PTPRN2: variants seen among roughly 807,000 people sequenced by gnomAD.
PTPRN2 encodes the protein receptor-type tyrosine-protein phosphatase N2.
In PTPRN2, 74 loss-of-function variants were observed where a neutral mutation model predicts 118.8. The observed-to-expected ratio is 0.62, with a 90% CI of 0.52 to 0.76. PTPRN2 has a LOEUF of 0.76. PTPRN2 is among the 30% of genes least tolerant of loss of function. PTPRN2 has a pLI of 0.00. For synonymous variants in PTPRN2, 641 were observed against 608.0 expected (o/e 1.05, Z -0.80); for missense variants, 1,481 against 1,394.4 (o/e 1.06, Z -0.99).
At chr7:157,735,322 A>G (rs780835764) in intron 12 of PTPRN2, among the ~76,000 whole-genome samples, 30 of 152,330 alleles carry the variant, frequency 2.0e-4, no homozygotes, top group Admixed American at 3.3e-4. Context: ...AGTCCCACTG[A>G]CTATGCCTGT....
intron 3 of PTPRN2, among the ~76,000 whole-genome samples, chr7:158,222,711 A>G (rs981141006): frequency 6.6e-6 from 1 of 152,236 alleles, no homozygotes; most frequent in Non-Finnish European, 1.5e-5. Context: ...AACCGAAAAC[A>G]AAAGTCAAAA....
In PTPRN2 at chr7:157,893,104, C is replaced by T. The variant is rs536130851; in HGVS notation, c.1788+5569G>A. Among the ~76,000 whole-genome samples the T allele has an allele frequency of 6.6e-6, 1 of 152,292 alleles. No homozygotes were observed. On this transcript the variant is annotated intron_variant, in intron 12 of 22. Coordinates refer to ENST00000389418, the MANE Select transcript of PTPRN2 (RefSeq NM_002847.5). The surrounding 1 kb of genome is among the most constrained non-coding windows in gnomAD (Gnocchi z 4.0). ...AGCTGGTCTCCAGCATTTGGTGGAACGAGAACAAAGAAATGTCTGGAGAAG... is the reference window on the plus strand; with the variant it reads ...AGCTGGTCTCCAGCATTTGGTGGAATGAGAACAAAGAAATGTCTGGAGAAG...
chr7:158,208,367 A>G (rs1483236128), intron 3 of PTPRN2, among the ~76,000 whole-genome samples: 1 of 152,224 alleles, frequency 6.6e-6, no homozygotes, highest in Non-Finnish European at 1.5e-5. Context: ...AAACTCCCAA[A>G]GGTCAGGAAT....
At chr7:158,518,146 T>C (rs369847752) in intron 1 of PTPRN2, among the ~76,000 whole-genome samples, 7 of 152,196 alleles carry the variant, frequency 4.6e-5, no homozygotes, top group African/African-American at 1.2e-4. Context: ...ATGGTGTCTA[T>C]AAAATAGTTA....
At chr7:157,635,202 T>C (rs909836033) in intron 14 of PTPRN2, among the ~76,000 whole-genome samples, 2 of 152,284 alleles carry the variant, frequency 1.3e-5, no homozygotes, top group African/African-American at 4.8e-5. Context: ...TTGCTCTTCA[T>C]GGTGTCTCTA....
At chr7:157,653,276 C>T (rs1433284389) in intron 14 of PTPRN2, among the ~76,000 whole-genome samples, 3 of 152,182 alleles carry the variant, frequency 2.0e-5, no homozygotes, top group Admixed American at 2.0e-4. Context: ...GAACATGTCG[C>T]TGGGAATCTC....
At chr7:158,146,289 A>G (rs1002588151) in intron 6 of PTPRN2, among the ~76,000 whole-genome samples, 1 of 152,150 alleles carries the variant, frequency 6.6e-6, no homozygotes, top group Non-Finnish European at 1.5e-5. Context: ...ATGTTAACCT[A>G]TATTTAAAAA....
At chr7:158,524,632 G>C (rs1233987275) in intron 1 of PTPRN2, among the ~76,000 whole-genome samples, 2 of 152,258 alleles carry the variant, frequency 1.3e-5, no homozygotes, top group South Asian at 4.1e-4. Flanking sequence ...AGAACTCGTA[G>C]ATGGATGTCC....
rs75530818 is a variant in PTPRN2 at position 158,166,372 on chromosome 7, C to T, written c.910+559G>A. ...CATCTCCTCCTCCCACTGGCCGCCG[C>T]GTTCCCTGTCCTCACACCCTCAGGA... On this transcript the variant is annotated intron_variant, in intron 6 of 22. Coordinates refer to ENST00000389418, the MANE Select transcript of PTPRN2 (RefSeq NM_002847.5). 7.4e-3 allele frequency among the ~76,000 whole-genome samples: 287 copies of T among 38,628 alleles called. 67 individuals are homozygous for T. The highest frequency in any genetic ancestry group is 0.011 in the East Asian group (8 of 724). 25.3% of individuals were successfully genotyped at this position (38,628 alleles called of 152,430 possible).
At chr7:157,625,824 G>A (rs1191734619) in intron 14 of PTPRN2, among the ~76,000 whole-genome samples, 3 of 152,006 alleles carry the variant, frequency 2.0e-5, no homozygotes, top group Admixed American at 6.6e-5. Context: ...GTGGTGGGAC[G>A]GCTTAGTTTC....
In PTPRN2 at chr7:158,574,828, G is replaced by A. The variant is rs112578921; in HGVS notation, c.112+12730C>T. Among the ~76,000 whole-genome samples the A allele has an allele frequency of 4.4e-4, 67 of 152,296 alleles. 1 individual carries two copies. Among genetic ancestry groups the A allele is most frequent in the African/African-American group, 1.3e-3 (52 of 41,566 alleles). ...GCTGGCACACTGGGTGGGTGGCTCC[G>A]TGGAGTGTCCTGCCTACTGCAGGAT... On this transcript the variant is annotated intron_variant, in intron 1 of 22. Coordinates refer to ENST00000389418, the MANE Select transcript of PTPRN2 (RefSeq NM_002847.5). The surrounding 1 kb of genome is among the most constrained non-coding windows in gnomAD (Gnocchi z 4.6).
In PTPRN2 at chr7:157,738,525, G is replaced by A. The variant is rs796659669; in HGVS notation, c.1789-55588C>T. ...GACGCAGGCTGCCGGTGCTGGTCCC[G>A]GGTTGTTTGTGGTGCAGCCAGCGGC... On this transcript the variant is annotated intron_variant, in intron 12 of 22. Coordinates refer to ENST00000389418, the MANE Select transcript of PTPRN2 (RefSeq NM_002847.5). Among the ~76,000 whole-genome samples the A allele has an allele frequency of 1.1e-3, 175 of 152,328 alleles. 1 individual carries two copies. Among genetic ancestry groups the A allele is most frequent in the African/African-American group, 3.9e-3 (164 of 41,580 alleles).
At chr7:157,650,866 G>A (rs925113077) in intron 14 of PTPRN2, among the ~76,000 whole-genome samples, 4 of 152,222 alleles carry the variant, frequency 2.6e-5, no homozygotes. Context: ...TTATCGCTAA[G>A]AACTAAGAAG....
intron 12 of PTPRN2, among the ~76,000 whole-genome samples, chr7:157,877,155 A>AC (rs1795819614): frequency 7.5e-6 from 1 of 133,388 alleles, no homozygotes; most frequent in Non-Finnish European, 1.6e-5. Context: ...TTCCTCAGGG[A>AC]CCCCAGATCT....
rs140999965 is a variant in PTPRN2 at position 158,167,251 on chromosome 7, G to C, written c.590C>G (p.Ala197Gly). ...AGGGTAGGTCAGCGCAGACGTGTGG[G>C]CCACATAGGTCAGGATGCTCTCGGA... ...RFSESILTYV[A>G]HTSALTYPPG... The change falls in exon 6 of 23, where the codon GCC becomes GGC. Residue 197 changes from alanine to glycine, a missense_variant. This residue lies in a region of PTPRN2 where 1,115 missense variants were observed against 994.2 expected (regional missense o/e 1.12). Transcript: ENST00000389418. 6,814 of 1,612,068 alleles carry C rather than the reference G, an allele frequency of 4.2e-3. 17 individuals carry two copies. The highest frequency in any genetic ancestry group is 5.0e-3 in the Non-Finnish European group (5,919 of 1,179,318).
intron 6 of PTPRN2, among the ~76,000 whole-genome samples, chr7:158,143,011 A>G (rs1045453839): frequency 3.9e-5 from 6 of 152,166 alleles, no homozygotes; most frequent in Non-Finnish European, 5.9e-5. Flanking sequence ...TCAGCCTCGC[A>G]ACCGAGCCAC....
chr7:158,404,438 C>T (rs553999044), intron 2 of PTPRN2, among the ~76,000 whole-genome samples: 95 of 152,260 alleles, frequency 6.2e-4, no homozygotes, highest in Non-Finnish European at 1.3e-3. Context: ...CTGCTGACCC[C>T]GGGGCAGGCG....
intron 2 of PTPRN2, among the ~76,000 whole-genome samples, chr7:158,458,415 C>T (rs569051470): frequency 1.3e-5 from 2 of 152,300 alleles, no homozygotes; most frequent in East Asian, 3.9e-4. Context: ...GAAATATTGA[C>T]ACTGGCCTCA....
chr7:158,392,344 A>G (rs1811994523), intron 2 of PTPRN2, among the ~76,000 whole-genome samples: 1 of 152,188 alleles, frequency 6.6e-6, no homozygotes, highest in South Asian at 2.1e-4. Context: ...GGGTCCACTC[A>G]TGAGACCGTG....
Sources: gnomAD v4.1 joint callset for allele counts (sites outside exome capture counted in the v4.1 genomes callset) on GRCh38, gnomAD v4.1.1 for gene constraint, gnomAD v4.1.1 regional missense constraint, Gnocchi (gnomAD v3.1) non-coding constraint, MANE v1.5 for transcripts, NCBI Gene and HGNC (gene_info 2026-07-23, HGNC 2026-07-21) for gene names.